The following TAF4B variants were observed in gnomAD, a reference collection of about 807,000 sequenced individuals.
TAF4B encodes the protein TATA-box binding protein associated factor 4b.
In TAF4B, 38 loss-of-function variants were observed where a neutral mutation model predicts 86.4. The observed-to-expected ratio is 0.44, with a 90% CI of 0.34 to 0.58. The LOEUF (loss-of-function observed/expected upper bound fraction) is 0.58. Among genes scored for constraint, TAF4B ranks in the 20% least tolerant of loss-of-function variants. The pLI is 0.02. For synonymous variants in TAF4B, 388 were observed against 391.2 expected, an observed-to-expected ratio of 0.99 and a Z score of 0.10; for missense variants, 988 against 1,027.6, an observed-to-expected ratio of 0.96 and a Z score of 0.53.
chr18:26,278,130 A>G (rs2056404390), intron 5 of TAF4B, among the ~76,000 whole-genome samples: 1 of 152,192 alleles, frequency 6.6e-6, no homozygotes, highest in South Asian at 2.1e-4. Flanking sequence ...CGACTCAATT[A>G]CAGTGCTTTT....
chr18:26,310,755 C>T (rs1221661476), intron 9 of TAF4B, among the ~76,000 whole-genome samples: 2 of 152,048 alleles, frequency 1.3e-5, no homozygotes, highest in Non-Finnish European at 2.9e-5. Context: ...TCTTTATCCC[C>T]CCTATTACCC....
chr18:26,253,951 A>C lies in TAF4B; in HGVS notation c.344-11219A>C, dbSNP rs989474947. Among the ~76,000 whole-genome samples the C allele has an allele frequency of 4.6e-5, 5 of 108,696 alleles. No individual in the cohort carries two copies. In the Admixed American group the frequency reaches 7.2e-4, roughly 16 times the overall value. 71.3% of individuals were successfully genotyped at this position (108,696 alleles called of 152,430 possible). ...TAATTAATTTATTTTTTTGAGATGGAGTTTCGCTCTGTTGCCCAGGCTGGA... is the reference window on the plus strand; with the variant it reads ...TAATTAATTTATTTTTTTGAGATGGCGTTTCGCTCTGTTGCCCAGGCTGGA... On this transcript the variant is annotated intron_variant, in intron 1 of 14. Transcript: ENST00000269142.
At chr18:26,372,767 G>A (rs1195384796) in intron 14 of TAF4B, among the ~76,000 whole-genome samples, 2 of 151,898 alleles carry the variant, frequency 1.3e-5, no homozygotes, top group East Asian at 1.9e-4. Context: ...TCAGGAGATC[G>A]AGACCATCCT....
intron 1 of TAF4B, among the ~76,000 whole-genome samples, chr18:26,258,826 G>A (rs1598733389): frequency 6.6e-6 from 1 of 151,992 alleles, no homozygotes; most frequent in African/African-American, 2.4e-5. Flanking sequence ...CCAGTAGCTG[G>A]GATTACAGGT....
At chr18:26,253,588 A>G (rs547850941) in intron 1 of TAF4B, among the ~76,000 whole-genome samples, 5 of 152,090 alleles carry the variant, frequency 3.3e-5, no homozygotes, top group Admixed American at 2.6e-4. Context: ...GACCTTATAG[A>G]TTGAGTTGGG....
At chr18:26,250,313 C>G (rs900674066) in intron 1 of TAF4B, among the ~76,000 whole-genome samples, 1 of 151,972 alleles carries the variant, frequency 6.6e-6, no homozygotes, top group African/African-American at 2.4e-5. Flanking sequence ...CTGGCTAACA[C>G]GGTGAAACCC....
rs1416487020 is a variant in TAF4B at position 26,389,995 on chromosome 18, C to T, written c.2572C>T (p.Leu858=). 6.2e-7 allele frequency: 1 copy of T among 1,613,966 alleles called. No homozygotes were observed. The highest frequency in any genetic ancestry group is 1.1e-5 in the South Asian group (1 of 90,998). The change falls in exon 15 of 15, where the codon CTG becomes TTG. Residue 858 remains leucine, a synonymous_variant. Coordinates refer to ENST00000269142, the MANE Select transcript of TAF4B (RefSeq NM_005640.3). The part of the protein sequence containing the change: ...REMKYSRALY[L]ALLK ...GATGAAGTATTCTCGAGCTCTATAC[C>T]TGGCCCTTCTGAAGTGACCACTCCA...
intron 9 of TAF4B, among the ~76,000 whole-genome samples, chr18:26,314,068 G>A (rs2056878261): frequency 1.3e-5 from 2 of 151,934 alleles, no homozygotes; most frequent in Admixed American, 1.3e-4. Flanking sequence ...AACACCAGAG[G>A]CCTTCATTTT....
intron 13 of TAF4B, among the ~76,000 whole-genome samples, chr18:26,347,307 TCA>T (rs1275743927): frequency 6.6e-6 from 1 of 152,050 alleles, no homozygotes; most frequent in African/African-American, 2.4e-5. Context: ...AGGGAATTCA[TCA>T]CCATTAGACA....
At position 26,300,310 on chromosome 18, in the gene TAF4B, A is replaced by T. The variant is rs201132382; in HGVS notation, c.1832+6779A>T. 4.3e-4 allele frequency among the ~76,000 whole-genome samples: 58 copies of T among 135,202 alleles called. 3 individuals carry two copies. The highest frequency in any genetic ancestry group is 4.0e-3 in the South Asian group (18 of 4,530). 88.7% of individuals were successfully genotyped at this position (135,202 alleles called of 152,430 possible). A position where few individuals can be genotyped will look rare whatever the true frequency, so the allele number is the denominator to read the frequency against. ...GGCTTGTTTTCTAATGTAGGCATTT[A>T]TTATTATTATTATTATTATTATTAT... On this transcript the variant is annotated intron_variant, in intron 9 of 14. Transcript: ENST00000269142.
chr18:26,290,956 T>C (rs1243874989), intron 7 of TAF4B, among the ~76,000 whole-genome samples: 1 of 152,206 alleles, frequency 6.6e-6, no homozygotes, highest in Middle Eastern at 3.2e-3. Context: ...TCAGCTTCAT[T>C]GAAATGTATC....
intron 9 of TAF4B, among the ~76,000 whole-genome samples, chr18:26,308,437 A>C (rs951932833): frequency 6.6e-6 from 1 of 152,158 alleles, no homozygotes; most frequent in Non-Finnish European, 1.5e-5. Context: ...AGAGGTAGGT[A>C]CACCATGAAG....
chr18:26,389,853 A>G lies in TAF4B; in HGVS notation c.2430A>G (p.Lys810=), dbSNP rs1187380320. 1.4e-5 allele frequency: 23 copies of G among 1,609,584 alleles called. No homozygotes were observed. Among genetic ancestry groups the G allele is most frequent in the Non-Finnish European group, 2.0e-5 (23 of 1,178,866 alleles). Residue 810 remains lysine (K), a synonymous_variant, in exon 15 of 15, where the codon AAA becomes AAG. Coordinates refer to ENST00000269142, the MANE Select transcript of TAF4B (RefSeq NM_005640.3). Reference sequence around the variant, plus strand: ...CCTTTTATTATTTTTAGGGCTTAAAAGACAACCTTCTTGCTTCTGGGACAT... The same window carrying G: ...CCTTTTATTATTTTTAGGGCTTAAAGGACAACCTTCTTGCTTCTGGGACAT... ...RPLESGIEGL[K]DNLLASGTSS... is the part of the protein sequence containing the mutation.
chr18:26,364,310 G>A (rs924611023), intron 14 of TAF4B, among the ~76,000 whole-genome samples: 2 of 152,134 alleles, frequency 1.3e-5, no homozygotes, highest in African/African-American at 2.4e-5. Flanking sequence ...TAGTTAAAAT[G>A]TACTATTTGG....
intron 1 of TAF4B, among the ~76,000 whole-genome samples, chr18:26,256,571 C>T (rs1363194794): frequency 3.3e-5 from 5 of 151,894 alleles, no homozygotes; most frequent in Non-Finnish European, 7.4e-5. Flanking sequence ...TTTTGCTCTT[C>T]TTTTTCCAGT....
In TAF4B at chr18:26,244,380, G is replaced by A. The variant is rs367984362; in HGVS notation, c.343+17104G>A. ...GGGCGTGGGACCCTCTGAGCCAGGC[G>A]CGTGATATAATCTCCTTGTGTGCTA... On this transcript the variant is annotated intron_variant, in intron 1 of 14. Transcript: ENST00000269142. 1.8e-4 allele frequency among the ~76,000 whole-genome samples: 28 copies of A among 152,350 alleles called. No individual in the cohort carries two copies. The East Asian group carries it at 2.9e-3, about 16-fold the overall frequency.
Position 26,346,907 on chromosome 18 carries a change from G to GTATATATATATATATA in TAF4B, c.2317-10782_2317-10767dup, listed in dbSNP as rs61248095. Among the ~76,000 whole-genome samples the GTATATATATATATATA allele has an allele frequency of 2.9e-3, 33 of 11,216 alleles. 2 individuals carry two copies. The highest frequency in any genetic ancestry group is 0.023 in the South Asian group (5 of 214). 7.4% of individuals were successfully genotyped at this position (11,216 alleles called of 152,430 possible). A position where few individuals can be genotyped will look rare whatever the true frequency, so the allele number is the denominator to read the frequency against. On this transcript the variant is annotated intron_variant, in intron 13 of 14. Coordinates refer to ENST00000269142, the MANE Select transcript of TAF4B (RefSeq NM_005640.3). ...TATATATATATATATATATGTGTGT[G>GTATATATATATATATA]TATATATATATATATAGTTTTTTGT...
At chr18:26,366,106 T>C (rs2057369767) in intron 14 of TAF4B, among the ~76,000 whole-genome samples, 1 of 152,160 alleles carries the variant, frequency 6.6e-6, no homozygotes, top group Admixed American at 6.5e-5. Context: ...TTTATTTTTA[T>C]TTCTTGACTT....
intron 14 of TAF4B, among the ~76,000 whole-genome samples, chr18:26,377,883 A>G (rs373770803): frequency 4.6e-5 from 7 of 152,226 alleles, no homozygotes; most frequent in African/African-American, 1.4e-4. Flanking sequence ...ATCGTCCTAC[A>G]CTAGTATTAC....
Sources: allele counts gnomAD v4.1 joint callset (sites outside exome capture counted in the v4.1 genomes callset), GRCh38; gene constraint gnomAD v4.1.1; transcripts MANE v1.5; gene names NCBI Gene and HGNC (gene_info 2026-07-23, HGNC 2026-07-21).